The following ELAPOR2 variants were observed in gnomAD, a reference collection of about 807,000 sequenced individuals.
The protein encoded by ELAPOR2 is endosome-lysosome associated apoptosis and autophagy regulator family member 2, also known as endosome/lysosome-associated apoptosis and autophagy regulator family member 2.
A neutral mutation model predicts 120.7 loss-of-function variants in ELAPOR2; 89 were observed. The observed-to-expected ratio is 0.74, with a 90% CI of 0.62 to 0.88. The LOEUF (loss-of-function observed/expected upper bound fraction) is 0.88, where lower values mean the gene tolerates loss of function less well. Among genes scored for constraint, ELAPOR2 ranks in the 40% least tolerant of loss-of-function variants. The pLI, the probability that ELAPOR2 is intolerant of heterozygous loss-of-function variation, is 0.00. For missense variants in ELAPOR2, 1,134 were observed against 1,251.6 expected (o/e 0.91, Z 1.42); for synonymous variants, 444 against 444.9 (o/e 1.00, Z 0.03).
intron 1 of ELAPOR2, among the ~76,000 whole-genome samples, chr7:87,054,666 A>G (rs1438784800): frequency 1.3e-5 from 2 of 152,190 alleles, no homozygotes; most frequent in Non-Finnish European, 2.9e-5. Flanking sequence ...TGTGGTTTAC[A>G]TGGATTTTGA....
intron 8 of ELAPOR2, among the ~76,000 whole-genome samples, chr7:86,935,077 C>T (rs954115696): frequency 2.0e-5 from 3 of 152,000 alleles, no homozygotes; most frequent in Non-Finnish European, 4.4e-5. Context: ...CCCTTCTAAT[C>T]TTGTATATAA....
intron 10 of ELAPOR2, among the ~76,000 whole-genome samples, chr7:86,924,560 ATTC>A (rs1347117458): frequency 2.0e-5 from 3 of 151,920 alleles, no homozygotes; most frequent in Non-Finnish European, 4.4e-5. Flanking sequence ...ATTATATCTT[ATTC>A]TTCTTCTCTC....
In ELAPOR2 at chr7:87,000,249, C is replaced by G. The variant is rs147215167; in HGVS notation, c.190-35225G>C. On this transcript the variant is annotated intron_variant, in intron 1 of 21. Transcript: ENST00000450689. ...ATTAAGCCATAAGGCAAAAGTGTCA[C>G]ATCCAAGGTAATTGCAGTCTTCATA... Among the ~76,000 whole-genome samples the G allele has an allele frequency of 2.0e-5, 3 of 152,246 alleles. No homozygotes were observed. The East Asian group carries it at 5.8e-4, about 29-fold the overall frequency.
chr7:86,930,371 C>A (rs531135465), intron 8 of ELAPOR2, among the ~76,000 whole-genome samples: 3 of 151,904 alleles, frequency 2.0e-5, no homozygotes, highest in Non-Finnish European at 4.4e-5. Flanking sequence ...CCCATCTTCC[C>A]AATTAAGAAA....
At position 86,909,805 on chromosome 7, in the gene ELAPOR2, A is replaced by ATATTT. The variant is rs1427613975; in HGVS notation, c.2359+6_2359+7insAAATA. On this transcript the variant is annotated splice_region_variant and intron_variant, in intron 16 of 21. Transcript: ENST00000450689. ...ATGCATGCATATATGAACCAAAGGA[A>ATATTT]GCTTACCTATGAATGTATCTGCCAG... is the stretch of plus-strand genomic sequence containing the variant. The ATATTT allele has an allele frequency of 1.3e-6, 2 of 1,599,992 alleles. No homozygotes were observed. Among genetic ancestry groups the ATATTT allele is most frequent in the Admixed American group, 3.4e-5 (2 of 58,194 alleles).
intron 1 of ELAPOR2, among the ~76,000 whole-genome samples, chr7:87,023,541 A>G (rs867554019): frequency 3.2e-4 from 48 of 152,194 alleles, no homozygotes; most frequent in Middle Eastern, 3.4e-3. Flanking sequence ...TTGACTTGGC[A>G]ATGCGGGCTC....
chr7:86,938,883 C>T lies in ELAPOR2; in HGVS notation c.925G>A (p.Val309Met). 1.2e-6 allele frequency: 2 copies of T among 1,613,408 alleles called. No individual in the cohort carries two copies. Among genetic ancestry groups the T allele is most frequent in the Non-Finnish European group, 1.7e-6 (2 of 1,179,540 alleles). Residue 309 changes from valine (V) to methionine (M), a missense_variant, in exon 7 of 22, where the codon GTG becomes ATG. This residue lies in a region of ELAPOR2 where 831 missense variants were observed against 867.6 expected (regional missense o/e 0.96). Transcript: ENST00000450689. ...SNKPGSFNCQ[V>M]CPRNTYSEKG... ...TCAGAATAGGTGTTTCTGGGACACA[C>T]CTGGCAGTTGAATGAACCTGGTTTG...
intron 13 of ELAPOR2, 136 bp downstream of exon 13, chr7:86,914,587 A>G (rs1789470979): frequency 1.6e-6 from 1 of 623,064 alleles, no homozygotes; most frequent in Non-Finnish European, 2.6e-6. Flanking sequence ...CACTGAATCT[A>G]TAACCAGATT....
chr7:87,030,386 TTC>T (rs1491045066), intron 1 of ELAPOR2, among the ~76,000 whole-genome samples: 2,827 of 152,252 alleles, frequency 0.019, 95 homozygotes, highest in African/African-American at 0.065. Context: ...GCTTATCTTG[TTC>T]TAAATGCAAA....
chr7:86,961,497 C>A (rs986158388), intron 2 of ELAPOR2, among the ~76,000 whole-genome samples: 1 of 152,212 alleles, frequency 6.6e-6, no homozygotes, highest in Non-Finnish European at 1.5e-5. Context: ...TACTTATACC[C>A]CAGATCAGAC....
At chr7:86,991,012 T>C (rs1178072551) in intron 1 of ELAPOR2, among the ~76,000 whole-genome samples, 4 of 152,248 alleles carry the variant, frequency 2.6e-5, no homozygotes, top group Non-Finnish European at 5.9e-5. Context: ...ATTGAATTTA[T>C]TTATCTGAGC....
intron 1 of ELAPOR2, among the ~76,000 whole-genome samples, chr7:87,005,970 A>C (rs1416110897): frequency 1.3e-5 from 2 of 152,172 alleles, no homozygotes; most frequent in Non-Finnish European, 2.9e-5. Flanking sequence ...GACATTAAGA[A>C]AACAGAACTG....
intron 1 of ELAPOR2, among the ~76,000 whole-genome samples, chr7:86,982,012 G>A (rs114862788): frequency 0.011 from 1,625 of 152,340 alleles, 28 homozygotes; most frequent in African/African-American, 0.036. Context: ...ATTATATCCC[G>A]CATCTGGCTC....
intron 1 of ELAPOR2, among the ~76,000 whole-genome samples, chr7:87,009,189 A>G (rs1159059768): frequency 6.6e-6 from 1 of 152,222 alleles, no homozygotes; most frequent in African/African-American, 2.4e-5. Flanking sequence ...CCATCAAGCA[A>G]GGTGAATTTT....
intron 21 of ELAPOR2, among the ~76,000 whole-genome samples, chr7:86,886,549 A>G (rs1373104016): frequency 6.6e-6 from 1 of 152,166 alleles, no homozygotes. Flanking sequence ...TATAGCCATT[A>G]GTTGGTCACT....
chr7:86,928,063 C>T lies in ELAPOR2; in HGVS notation c.1090-1147G>A, dbSNP rs1041943602. Among the ~76,000 whole-genome samples the T allele has an allele frequency of 1.1e-4, 17 of 151,894 alleles. No individual in the cohort carries two copies. The South Asian group carries it at 1.5e-3, about 13-fold the overall frequency. On this transcript the variant is annotated intron_variant, in intron 8 of 21. Transcript: ENST00000450689. ...AGATTAACTTATCTGAAGAAGGAGG[C>T]TTAAGAAAATGATTTAAAGGTAAAT...
chr7:86,955,912 T>A (rs183673875), intron 2 of ELAPOR2, among the ~76,000 whole-genome samples: 64 of 146,506 alleles, frequency 4.4e-4, no homozygotes, highest in African/African-American at 1.5e-3. Flanking sequence ...AAATCCACTG[T>A]CTTCAAGTGA....
Position 86,878,616 on chromosome 7 carries a change from T to A in ELAPOR2, c.*1855A>T, listed in dbSNP as rs1799260440. 1 of 152,152 alleles carries A rather than the reference T, an allele frequency of 6.6e-6. No individual in the cohort carries two copies. The allele number at this position is 152,152 out of a possible 1,614,324, so 9.4% of individuals were successfully genotyped here. ...GTGGAAGTTTTCTCACTCTGTCCAGTCTATACAGCTTTGCCAGGGTTCCTC... is the reference window on the plus strand; with the variant it reads ...GTGGAAGTTTTCTCACTCTGTCCAGACTATACAGCTTTGCCAGGGTTCCTC... On this transcript the variant is annotated 3_prime_UTR_variant, in exon 22 of 22. Coordinates refer to ENST00000450689, the MANE Select transcript of ELAPOR2 (RefSeq NM_001142749.3).
At chr7:86,939,066 T>A (rs1353253558) in intron 6 of ELAPOR2, 106 bp from the exon 7 acceptor site, 2 of 1,220,050 alleles carry the variant, frequency 1.6e-6, no homozygotes, top group East Asian at 4.8e-5. Context: ...ATATGAACAG[T>A]AAGGTCAGCC....
Sources: gnomAD v4.1 joint callset for allele counts (sites outside exome capture counted in the v4.1 genomes callset) on GRCh38, gnomAD v4.1.1 for gene constraint, gnomAD v4.1.1 regional missense constraint, MANE v1.5 for transcripts, NCBI Gene and HGNC (gene_info 2026-07-23, HGNC 2026-07-21) for gene names.